The following ZFAT variants were observed in gnomAD, a reference collection of about 807,000 sequenced individuals.
ZFAT encodes the protein zinc finger and AT-hook domain containing, also known as zinc finger protein ZFAT.
A neutral mutation model predicts 117.7 loss-of-function variants in ZFAT; 64 were observed. That is an observed-to-expected ratio of 0.54 (90% CI 0.44 to 0.67). The LOEUF (loss-of-function observed/expected upper bound fraction) is 0.67, where lower values mean the gene tolerates loss of function less well. ZFAT is among the 30% of genes least tolerant of loss of function. The pLI is 0.00. For missense variants in ZFAT, 1,433 were observed against 1,584.5 expected (o/e 0.90, Z 1.62); for synonymous variants, 679 against 615.0 (o/e 1.10, Z -1.54).
intron 1 of ZFAT, among the ~76,000 whole-genome samples, chr8:134,694,207 T>G (rs1833721321): frequency 6.6e-6 from 1 of 152,194 alleles, no homozygotes. Context: ...GTGGCTGAGG[T>G]GTCCTTCCGC....
intron 11 of ZFAT, among the ~76,000 whole-genome samples, chr8:134,537,968 G>A (rs1368158255): frequency 6.6e-6 from 1 of 152,202 alleles, no homozygotes; most frequent in African/African-American, 2.4e-5. Context: ...ATGGATAATG[G>A]GAGGGAGAGG....
In ZFAT at chr8:134,625,776, G is replaced by A. The variant is rs557420333; in HGVS notation, c.448+11685C>T. 1.2e-3 allele frequency among the ~76,000 whole-genome samples: 181 copies of A among 152,242 alleles called. 1 individual carries two copies. The highest frequency in any genetic ancestry group is 6.8e-3 in the Middle Eastern group (2 of 294). ...AGCCTCAGCCCCAGCAGTATGTCCAGATGTACAGGCTGCTGGGCACGAGCC... is the reference window on the plus strand; with the variant it reads ...AGCCTCAGCCCCAGCAGTATGTCCAAATGTACAGGCTGCTGGGCACGAGCC... On this transcript the variant is annotated intron_variant, in intron 3 of 15. Transcript: ENST00000377838.
intron 2 of ZFAT, among the ~76,000 whole-genome samples, chr8:134,654,867 A>G (rs1317218614): frequency 1.3e-5 from 2 of 152,246 alleles, no homozygotes; most frequent in African/African-American, 2.4e-5. Context: ...GACAAGCAAG[A>G]GAAACATAGA....
At chr8:134,586,777 T>C (rs1826097040) in intron 9 of ZFAT, among the ~76,000 whole-genome samples, 1 of 152,242 alleles carries the variant, frequency 6.6e-6, no homozygotes, top group South Asian at 2.1e-4. Context: ...CTCCTCCTTC[T>C]GAAACAAGTC....
intron 15 of ZFAT, among the ~76,000 whole-genome samples, chr8:134,499,069 G>C (rs1261017923): frequency 4.1e-4 from 14 of 33,910 alleles, no homozygotes; most frequent in Admixed American, 6.6e-4. Flanking sequence ...GTTACACACA[G>C]AGCCTGATTT....
the ZFAT span, chr8:134,797,988 T>C: frequency 1.3e-5 from 2 of 148,348 alleles, no homozygotes; most frequent in Non-Finnish European, 3.0e-5. Context: ...TGACATTTAC[T>C]AAAAAAAAAA....
At chr8:134,610,895 G>A (rs2130971948) in intron 3 of ZFAT, among the ~76,000 whole-genome samples, 1 of 152,366 alleles carries the variant, frequency 6.6e-6, no homozygotes, top group Non-Finnish European at 1.5e-5. Context: ...ACACTGTTGG[G>A]TGAAGCAGAC....
At chr8:134,498,093 G>A (rs1227263498) in intron 15 of ZFAT, among the ~76,000 whole-genome samples, 5 of 46,556 alleles carry the variant, frequency 1.1e-4, no homozygotes, top group African/African-American at 1.9e-4. Context: ...TTGTGGTGGA[G>A]CTGGGATGCC....
At chr8:134,688,954 A>G (rs1833468890) in intron 1 of ZFAT, among the ~76,000 whole-genome samples, 1 of 152,140 alleles carries the variant, frequency 6.6e-6, no homozygotes, top group African/African-American at 2.4e-5. Flanking sequence ...GTGAAGCACC[A>G]AGCACAGTGC....
intron 1 of ZFAT, among the ~76,000 whole-genome samples, chr8:134,678,759 G>A (rs1347449648): frequency 6.6e-6 from 1 of 152,082 alleles, no homozygotes; most frequent in South Asian, 2.1e-4. Context: ...CAATGGAACA[G>A]AACAGAGGCC....
intron 15 of ZFAT, among the ~76,000 whole-genome samples, chr8:134,505,255 G>GT (rs1409919883): frequency 1.3e-5 from 2 of 152,190 alleles, no homozygotes; most frequent in Non-Finnish European, 2.9e-5. Context: ...GCTGAGAACA[G>GT]TGACTGGCTG....
At chr8:134,722,781 A>G in the ZFAT span, among the ~76,000 whole-genome samples, 1 of 152,100 alleles carries the variant, frequency 6.6e-6, no homozygotes, top group Admixed American at 6.5e-5. Context: ...TATTGACTGA[A>G]CTGTGCCCCC....
intron 13 of ZFAT, among the ~76,000 whole-genome samples, chr8:134,519,618 T>C (rs932873346): frequency 2.6e-5 from 4 of 152,236 alleles, no homozygotes; most frequent in African/African-American, 9.6e-5. Flanking sequence ...TATCATCCTA[T>C]TATATGTATA....
intron 11 of ZFAT, among the ~76,000 whole-genome samples, chr8:134,547,464 C>T (rs1260502338): frequency 6.6e-6 from 1 of 152,218 alleles, no homozygotes; most frequent in African/African-American, 2.4e-5. Context: ...CCCCTTCCCT[C>T]TCTATTCCCT....
At chr8:134,509,557 G>T in intron 15 of ZFAT, 62 bp downstream of exon 15, 1 of 1,605,476 alleles carries the variant, frequency 6.2e-7, no homozygotes, top group Non-Finnish European at 8.5e-7. Flanking sequence ...AACACAGGGA[G>T]AAGGAGAGAA....
chr8:134,582,501 G>A (rs1467667823), intron 10 of ZFAT, among the ~76,000 whole-genome samples: 1 of 152,230 alleles, frequency 6.6e-6, no homozygotes, highest in African/African-American at 2.4e-5. Context: ...CTTATTGTTT[G>A]TGGAGGCGTA....
intron 3 of ZFAT, 74 bp downstream of exon 3, chr8:134,637,387 C>A: frequency 6.5e-7 from 1 of 1,533,548 alleles, no homozygotes; most frequent in Non-Finnish European, 8.8e-7. Context: ...AAAAACTGAC[C>A]CAGTGAAACC....
chr8:134,525,536 TC>T, intron 12 of ZFAT, among the ~76,000 whole-genome samples: 1 of 152,216 alleles, frequency 6.6e-6, no homozygotes, highest in East Asian at 1.9e-4. Flanking sequence ...TTTAGTCATC[TC>T]CCAGATGCAG....
intron 1 of ZFAT, among the ~76,000 whole-genome samples, chr8:134,661,221 G>A (rs950459689): frequency 2.0e-5 from 3 of 152,240 alleles, no homozygotes; most frequent in Non-Finnish European, 4.4e-5. Context: ...CAGGCTCAGG[G>A]AGGAAACACA....
Sources: gnomAD v4.1 joint callset for allele counts (sites outside exome capture counted in the v4.1 genomes callset) on GRCh38, gnomAD v4.1.1 for gene constraint, MANE v1.5 for transcripts, NCBI Gene and HGNC (gene_info 2026-07-23, HGNC 2026-07-21) for gene names.